ITIH3: variants seen among roughly 807,000 people sequenced by gnomAD.
ITIH3 encodes the protein inter-alpha-trypsin inhibitor heavy chain 3.
Under a neutral mutation model 96.5 loss-of-function variants are expected in ITIH3, and 81 were observed. The observed-to-expected ratio is 0.84, with a 90% CI of 0.70 to 1.01. The LOEUF is 1.01. Ranked by LOEUF, ITIH3 falls within the 50% of genes least tolerant of loss-of-function variation. The probability of loss-of-function intolerance (pLI) is 0.00; values close to 1 mark genes in which losing one functional copy is unlikely to be tolerated. For synonymous variants in ITIH3, 422 were observed against 445.2 expected (o/e 0.95, Z 0.66); for missense variants, 1,057 against 1,139.3 (o/e 0.93, Z 1.04).
At chr3:52,799,262 T>C in intron 7 of ITIH3, 110 bp from the exon 8 acceptor site, 1 of 1,146,854 alleles carries the variant, frequency 8.7e-7, no homozygotes, top group Non-Finnish European at 1.2e-6. Flanking sequence ...GAGGGTGGGA[T>C]AGGAACGTCT....
At chr3:52,803,525 G>C (rs959899037) in intron 13 of ITIH3, among the ~76,000 whole-genome samples, 4 of 152,024 alleles carry the variant, frequency 2.6e-5, no homozygotes, top group Non-Finnish European at 5.9e-5. Flanking sequence ...CACCATGTTG[G>C]CCAGGCTGAT....
chr3:52,803,098 G>C (rs1699898147), intron 13 of ITIH3, among the ~76,000 whole-genome samples: 1 of 152,174 alleles, frequency 6.6e-6, no homozygotes, highest in South Asian at 2.1e-4. Flanking sequence ...GAGTGGAACT[G>C]AAGGCCGGGA....
intron 16 of ITIH3, 131 bp from the exon 17 acceptor site, chr3:52,805,972 G>T: frequency 6.7e-7 from 1 of 1,503,474 alleles, no homozygotes; most frequent in Non-Finnish European, 9.1e-7. Flanking sequence ...GGAGATTGCG[G>T]GGTGGGAGGG....
rs113141688 is a variant in ITIH3 at position 52,795,606 on chromosome 3, C to T, written c.97C>T (p.Arg33Trp). The T allele has an allele frequency of 1.5e-4, 245 of 1,612,022 alleles. 1 individual carries two copies. Among genetic ancestry groups the T allele is most frequent in the South Asian group, 6.1e-4 (55 of 90,520 alleles). Residue 33 changes from arginine (R) to tryptophan (W), a missense_variant, in exon 2 of 22, where the codon CGG becomes TGG. Coordinates refer to ENST00000449956, the MANE Select transcript of ITIH3 (RefSeq NM_002217.4). ...PRSPFRLLGK[R>W]SLPEGVANGI... ...GTGTTTGTTTTTGTTTTTTCAGAAA[C>T]GGAGCCTCCCGGAAGGGGTAAGAAC...
Position 52,797,254 on chromosome 3 carries a change from TCAAA to T in ITIH3, c.539_542del (p.Lys180ThrfsTer6). On this transcript the variant is annotated frameshift_variant, in exon 5 of 22. Coordinates refer to ENST00000449956, the MANE Select transcript of ITIH3 (RefSeq NM_002217.4). LOFTEE classifies it high-confidence loss of function. The stretch of plus-strand genomic sequence containing the variant: ...CTCAAGGTCCAGCCTAAGCAACTGG[TCAAA>T]CACTTTGAGGTAATCAACCGCCCCT... The T allele has an allele frequency of 6.2e-7, 1 of 1,604,658 alleles. No individual in the cohort carries two copies. Among genetic ancestry groups the T allele is most frequent in the Non-Finnish European group, 8.5e-7 (1 of 1,176,182 alleles).
intron 7 of ITIH3, 52 bp from the exon 8 acceptor site, chr3:52,799,320 A>G (rs1010737082): frequency 5.1e-6 from 7 of 1,364,066 alleles, no homozygotes; most frequent in African/African-American, 4.4e-5. Flanking sequence ...AGAATAGTCA[A>G]TGTGGTGTTG....
At chr3:52,796,878 C>A in intron 4 of ITIH3, 35 bp downstream of exon 4, 3 of 1,465,672 alleles carry the variant, frequency 2.0e-6, no homozygotes, top group South Asian at 2.6e-5. Context: ...GGGAGAATGT[C>A]TGGGATCCAA....
At chr3:52,805,883 G>C (rs374662186) in intron 16 of ITIH3, 43 bp downstream of exon 16, 1 of 1,604,146 alleles carries the variant, frequency 6.2e-7, no homozygotes, top group African/African-American at 1.3e-5. Context: ...ACTGCTTAGA[G>C]CCTGCCCCTG....
chr3:52,806,430 G>A (rs747006082), intron 18 of ITIH3, 24 bp downstream of exon 18: 1 of 1,574,096 alleles, frequency 6.4e-7, no homozygotes, highest in Non-Finnish European at 8.7e-7. Context: ...GCTAGGGCCG[G>A]GGCCAGGGGG....
rs146345616 is a variant in ITIH3, at chr3:52,808,403, G to A, written c.2544-149G>A. 20 of 1,258,884 alleles carry A rather than the reference G, an allele frequency of 1.6e-5. No homozygotes were observed. The East Asian group carries it at 2.4e-4, about 15-fold the overall frequency. 78.0% of individuals were successfully genotyped at this position (1,258,884 alleles called of 1,614,324 possible). A position where few individuals can be genotyped will look rare whatever the true frequency, so the allele number is the denominator to read the frequency against. On this transcript the variant is annotated intron_variant, in intron 21 of 21. Coordinates refer to ENST00000449956, the MANE Select transcript of ITIH3 (RefSeq NM_002217.4). ...GAAAAAGCCCAAACTTGGCTTCCTC[G>A]AAAGAGTAATCATGTAACTTCATTC...
At chr3:52,805,762 G>A in intron 15 of ITIH3, 46 bp from the exon 16 acceptor site, 1 of 1,611,788 alleles carries the variant, frequency 6.2e-7, no homozygotes, top group Non-Finnish European at 8.5e-7. Flanking sequence ...GGCTGGGGGA[G>A]AAGGAACCCC....
chr3:52,806,822 A>G, intron 18 of ITIH3, 79 bp from the exon 19 acceptor site: 1 of 1,173,410 alleles, frequency 8.5e-7, no homozygotes, highest in African/African-American at 1.5e-5. Context: ...GTCTGGTTGA[A>G]GAGGAAGGCA....
In ITIH3 at chr3:52,806,357, C is replaced by T. The variant is rs1368737933; in HGVS notation, c.2007C>T (p.Ile669=). Residue 669 remains isoleucine, a synonymous_variant, in exon 18 of 22, where the codon ATC becomes ATT. Transcript: ENST00000449956. ...PEKDDALCFN[I]DEAPGTVLRL... is the part of the protein sequence containing the mutation. ...AAGACGATGCCCTCTGCTTCAACAT[C>T]GATGAAGCCCCAGGCACAGTGCTGC... 8 of 1,613,854 alleles carry T rather than the reference C, an allele frequency of 5.0e-6. No individual in the cohort carries two copies. The highest frequency in any genetic ancestry group is 1.3e-5 in the African/African-American group (1 of 74,938).
rs1467166496 is a variant in ITIH3 at position 52,801,026 on chromosome 3, C to T, written c.1263C>T (p.Pro421=). 19 of 1,614,076 alleles carry T rather than the reference C, an allele frequency of 1.2e-5. No homozygotes were observed. The highest frequency in any genetic ancestry group is 1.4e-5 in the Non-Finnish European group (17 of 1,179,906). Residue 421 remains proline, a synonymous_variant, in exon 11 of 22, where the codon CCC becomes CCT. Coordinates refer to ENST00000449956, the MANE Select transcript of ITIH3 (RefSeq NM_002217.4). ...NVRNAIGGKF[P]LYNLGFGNNL... ...GGAATGCCATCGGGGGCAAGTTCCC[C>T]TTGTATAACCTGGGCTTTGGCAACA...
At chr3:52,798,030 A>C in intron 6 of ITIH3, 100 bp downstream of exon 6, 1 of 716,732 alleles carries the variant, frequency 1.4e-6, no homozygotes, top group Non-Finnish European at 2.4e-6. Context: ...GCAAGCATGC[A>C]TGTGTTGGGG....
At chr3:52,801,409 G>GT (rs140629817) in intron 11 of ITIH3, among the ~76,000 whole-genome samples, 1,853 of 152,336 alleles carry the variant, frequency 0.012, 13 homozygotes, top group South Asian at 0.03. Flanking sequence ...TTTTTGTAGT[G>GT]TAAGTATGCC....
At chr3:52,804,688 A>C in intron 14 of ITIH3, 38 bp from the exon 15 acceptor site, 1 of 1,569,778 alleles carries the variant, frequency 6.4e-7, no homozygotes, top group Non-Finnish European at 8.6e-7. Context: ...TATGGCTTCT[A>C]ATGCATTTCT....
At chr3:52,796,360 G>A (rs1699579481) in intron 2 of ITIH3, 121 bp from the exon 3 acceptor site, 1 of 779,036 alleles carries the variant, frequency 1.3e-6, no homozygotes, top group African/African-American at 1.8e-5. Context: ...CCTGGAGGAT[G>A]AGGGTTGCGT....
intron 13 of ITIH3, among the ~76,000 whole-genome samples, chr3:52,803,614 C>T (rs943720069): frequency 3.9e-5 from 6 of 152,336 alleles, no homozygotes; most frequent in East Asian, 3.9e-4. Context: ...CCACCATGCC[C>T]GGCCGGTCCT....
Sources: gnomAD v4.1 joint callset for allele counts (sites outside exome capture counted in the v4.1 genomes callset) on GRCh38, gnomAD v4.1.1 for gene constraint, MANE v1.5 for transcripts, NCBI Gene and HGNC (gene_info 2026-07-23, HGNC 2026-07-21) for gene names.